Variants in RBBP8 observed in about 807,000 individuals in gnomAD.
RBBP8 encodes DNA endonuclease RBBP8.
A neutral mutation model predicts 108.3 loss-of-function variants in RBBP8; 88 were observed. The observed-to-expected ratio is 0.81, with a 90% CI of 0.68 to 0.97. The LOEUF is 0.97. Ranked by LOEUF, RBBP8 falls within the 50% of genes least tolerant of loss-of-function variation. RBBP8 has a pLI of 0.00. For synonymous variants in RBBP8, 332 were observed against 348.2 expected (o/e 0.95, Z 0.52); for missense variants, 1,023 against 1,049.0 (o/e 0.98, Z 0.34).
intron 13 of RBBP8, among the ~76,000 whole-genome samples, chr18:22,996,941 T>G (rs2045870058): frequency 2.0e-5 from 3 of 152,126 alleles, no homozygotes; most frequent in Admixed American, 6.5e-5. Flanking sequence ...GAGGCTGCAG[T>G]GAGGTATGAT....
intron 5 of RBBP8, among the ~76,000 whole-genome samples, chr18:22,972,415 CTTT>C (rs796522846): frequency 8.6e-6 from 1 of 116,138 alleles, no homozygotes. Context: ...TTGTTTATTT[CTTT>C]TTTTTTTTTT....
chr18:22,944,942 G>GT (rs1702829339), intron 2 of RBBP8, among the ~76,000 whole-genome samples: 1 of 152,128 alleles, frequency 6.6e-6, no homozygotes, highest in South Asian at 2.1e-4. Context: ...CCAAAAGATT[G>GT]TATCAAGTTT....
intron 16 of RBBP8, among the ~76,000 whole-genome samples, chr18:23,011,201 A>G (rs1205783561): frequency 6.6e-6 from 1 of 152,118 alleles, no homozygotes; most frequent in Non-Finnish European, 1.5e-5. Context: ...TTTTTATTAC[A>G]CTTCTATTTA....
At chr18:22,952,374 T>G (rs74419168) in intron 4 of RBBP8, among the ~76,000 whole-genome samples, 3,646 of 152,166 alleles carry the variant, frequency 0.024, 140 homozygotes, top group African/African-American at 0.08. Flanking sequence ...CATTCCTGAT[T>G]AAGGTTTCAT....
chr18:23,019,696 A>G (rs1404086060), intron 17 of RBBP8, among the ~76,000 whole-genome samples: 1 of 151,894 alleles, frequency 6.6e-6, no homozygotes, highest in Non-Finnish European at 1.5e-5. Context: ...CCTTCAAAAT[A>G]TATCCCATAT....
chr18:22,930,208 GTT>G (rs1183400975), upstream of RBBP8, among the ~76,000 whole-genome samples: 100 of 152,256 alleles, frequency 6.6e-4, no homozygotes, highest in African/African-American at 2.3e-3. Flanking sequence ...TATTTCACTA[GTT>G]TATTTAAATT....
At chr18:23,017,522 C>T (rs1370983470) in intron 17 of RBBP8, among the ~76,000 whole-genome samples, 3 of 147,648 alleles carry the variant, frequency 2.0e-5, no homozygotes, top group East Asian at 4.2e-4. Flanking sequence ...GGCATGGTGG[C>T]GGGCGCCTGT....
intron 10 of RBBP8, among the ~76,000 whole-genome samples, chr18:22,991,480 G>A (rs1299259476): frequency 6.6e-6 from 1 of 152,044 alleles, no homozygotes; most frequent in Non-Finnish European, 1.5e-5. Context: ...TATCAGTGGG[G>A]GATTAGTTAT....
intron 3 of RBBP8, among the ~76,000 whole-genome samples, chr18:22,925,110 T>C (rs893974867): frequency 1.3e-5 from 2 of 152,076 alleles, no homozygotes; most frequent in South Asian, 2.1e-4. Flanking sequence ...TCTCAAGCAA[T>C]CCTCCCACCT....
rs1401386297 is a variant in RBBP8, at chr18:22,949,248, A to G, written c.153-370A>G. 3.3e-5 allele frequency among the ~76,000 whole-genome samples: 5 copies of G among 152,230 alleles called. No homozygotes were observed. The East Asian group carries it at 9.6e-4, about 29-fold the overall frequency. On this transcript the variant is annotated intron_variant, in intron 3 of 18. Transcript: ENST00000327155. Reference sequence around the variant, plus strand: ...CTCTGACTTAAAAGCAAGACCAGGTAAAAATTTTAAACAACACAGAAATTA... The same window carrying G: ...CTCTGACTTAAAAGCAAGACCAGGTGAAAATTTTAAACAACACAGAAATTA...
intron 4 of RBBP8, 99 bp downstream of exon 4, chr18:22,949,812 C>T (rs1389689851): frequency 1.5e-5 from 13 of 861,904 alleles, no homozygotes; most frequent in Non-Finnish European, 2.5e-5. Flanking sequence ...TGAAAGTGAT[C>T]TTTCCCACAG....
In RBBP8 at chr18:23,024,335, A is replaced by G. The variant is rs371069259; in HGVS notation, c.2597-1808A>G. Among the ~76,000 whole-genome samples the G allele has an allele frequency of 2.4e-4, 36 of 152,332 alleles. 1 individual carries two copies. The East Asian group carries it at 2.5e-3, about 11-fold the overall frequency. On this transcript the variant is annotated intron_variant, in intron 18 of 18. Transcript: ENST00000327155. ...TCAAACATTCTTTTAATAAGACAAC[A>G]TACTCTTAGTTTTATGAAGAATTTT...
chr18:23,012,526 G>T (rs73966426), intron 16 of RBBP8, among the ~76,000 whole-genome samples: 1 of 151,880 alleles, frequency 6.6e-6, no homozygotes, highest in Non-Finnish European at 1.5e-5. Context: ...ACCAGCCACC[G>T]CATTCCTTTA....
In RBBP8 at chr18:23,026,457, G is replaced by T. The variant is rs185814302; in HGVS notation, c.*217G>T. 1.2e-5 allele frequency: 6 copies of T among 492,732 alleles called. No homozygotes were observed. Among genetic ancestry groups the T allele is most frequent in the African/African-American group, 1.2e-4 (6 of 51,124 alleles). The allele number at this position is 492,732 out of a possible 1,614,324, so 30.5% of individuals were successfully genotyped here. On this transcript the variant is annotated 3_prime_UTR_variant, in exon 19 of 19. Coordinates refer to ENST00000327155, the MANE Select transcript of RBBP8 (RefSeq NM_002894.3). ...AACTTAAGAGTTTTTACTTTATGTA[G>T]TGATACCTAATACAATTTTGAAAAT...
intron 10 of RBBP8, among the ~76,000 whole-genome samples, 182 bp from the exon 11 acceptor site, chr18:22,992,566 G>T (rs1020941264): frequency 6.6e-6 from 1 of 152,180 alleles, no homozygotes; most frequent in Non-Finnish European, 1.5e-5. Context: ...GAATATTATG[G>T]TGTTGAGAAA....
intron 8 of RBBP8, among the ~76,000 whole-genome samples, chr18:22,987,332 A>C (rs867319261): frequency 1.3e-5 from 2 of 152,162 alleles, no homozygotes; most frequent in Non-Finnish European, 2.9e-5. Context: ...TGAAGAGAGG[A>C]GAATGCATTC....
At chr18:22,994,282 C>G (rs2045811589) in intron 12 of RBBP8, among the ~76,000 whole-genome samples, 1 of 149,480 alleles carries the variant, frequency 6.7e-6, no homozygotes, top group African/African-American at 2.4e-5. Context: ...GTCGGCCTCC[C>G]AAAGTGCTGG....
At chr18:23,012,135 A>G (rs921324975) in intron 16 of RBBP8, among the ~76,000 whole-genome samples, 2 of 140,538 alleles carry the variant, frequency 1.4e-5, no homozygotes, top group Admixed American at 7.6e-5. Context: ...GCTTGAGCCC[A>G]GGAGGTCGAG....
At chr18:22,994,509 G>A (rs1320059607) in intron 12 of RBBP8, among the ~76,000 whole-genome samples, 1 of 149,060 alleles carries the variant, frequency 6.7e-6, no homozygotes, top group Non-Finnish European at 1.5e-5. Flanking sequence ...AGGCATGGTG[G>A]CAGGCGCCTG....
Sources: gnomAD v4.1 joint callset for allele counts (sites outside exome capture counted in the v4.1 genomes callset) on GRCh38, gnomAD v4.1.1 for gene constraint, MANE v1.5 for transcripts, NCBI Gene and HGNC (gene_info 2026-07-23, HGNC 2026-07-21) for gene names.